Variants in SLC26A4 observed in about 807,000 individuals in gnomAD.
The protein encoded by SLC26A4 is pendrin.
A neutral mutation model predicts 90.4 loss-of-function variants in SLC26A4; 93 were observed. That is an observed-to-expected ratio of 1.03 (90% CI 0.87 to 1.22). The LOEUF is 1.22. Among genes scored for constraint, SLC26A4 ranks in the 50% most tolerant of loss-of-function variants. The pLI is 0.00. For missense variants in SLC26A4, 1,127 were observed against 946.2 expected (o/e 1.19, Z -2.51); for synonymous variants, 393 against 354.6 (o/e 1.11, Z -1.22).
chr7:107,663,770 G>C (rs925292591), intron 3 of SLC26A4, among the ~76,000 whole-genome samples: 1 of 151,844 alleles, frequency 6.6e-6, no homozygotes, highest in Non-Finnish European at 1.5e-5. Context: ...TGCAAGCTCC[G>C]TCTCCCGGGT....
chr7:107,693,179 A>G, intron 10 of SLC26A4: 2 of 412,668 alleles, frequency 4.8e-6, no homozygotes, highest in Non-Finnish European at 6.5e-6. Flanking sequence ...AGGAAAGCGA[A>G]GAGAAGGGAG....
intron 10 of SLC26A4, chr7:107,693,163 A>T (rs557823897): frequency 2.2e-5 from 6 of 276,102 alleles, no homozygotes; most frequent in Non-Finnish European, 3.3e-5. Flanking sequence ...AAGGGAAGGG[A>T]TATGAAGGAA....
At position 107,663,437 on chromosome 7, in the gene SLC26A4, T is replaced by G. The variant is rs746238617; in HGVS notation, c.304+2T>G. On this transcript the variant is annotated splice_donor_variant, in intron 3 of 20. Transcript: ENST00000644269. LOFTEE classifies it high-confidence loss of function. Reference sequence around the variant, plus strand: ...CTGGGCTAGTGGCCACGCTGCAAGGTAAGATGTTGGCAGATTGAGAGTTCT... The same window carrying G: ...CTGGGCTAGTGGCCACGCTGCAAGGGAAGATGTTGGCAGATTGAGAGTTCT... 1 of 1,613,946 alleles carries G rather than the reference T, an allele frequency of 6.2e-7. No homozygotes were observed. Among genetic ancestry groups the G allele is most frequent in the South Asian group, 1.1e-5 (1 of 91,076 alleles).
chr7:107,715,406 TCCCCTTGCTTC>T lies in SLC26A4; in HGVS notation c.2320-15_2320-5del. 1 of 1,610,792 alleles carries T rather than the reference TCCCCTTGCTTC, an allele frequency of 6.2e-7. No individual in the cohort carries two copies. The highest frequency in any genetic ancestry group is 8.5e-7 in the Non-Finnish European group (1 of 1,176,966). On this transcript the variant is annotated splice_polypyrimidine_tract_variant and splice_region_variant and intron_variant, in intron 20 of 20. Coordinates refer to ENST00000644269, the MANE Select transcript of SLC26A4 (RefSeq NM_000441.2). ...ATTCAGTTGTATCAACACTTTGTTT[TCCCCTTGCTTC>T]CACAGGCTATGCGTACACTTGCATC...
intron 6 of SLC26A4, among the ~76,000 whole-genome samples, chr7:107,677,186 A>G (rs952221939): frequency 6.6e-6 from 1 of 152,186 alleles, no homozygotes. Flanking sequence ...TCAAACAACA[A>G]TAACAGCAAC....
At chr7:107,680,170 ATCTT>A in intron 6 of SLC26A4, among the ~76,000 whole-genome samples, 1 of 118,510 alleles carries the variant, frequency 8.4e-6, no homozygotes, top group Non-Finnish European at 1.6e-5. Context: ...ATATAATCTT[ATCTT>A]ATTATATAAT....
At chr7:107,682,103 C>A (rs1346311242) in intron 6 of SLC26A4, among the ~76,000 whole-genome samples, 5 of 48,554 alleles carry the variant, frequency 1.0e-4, no homozygotes, top group Admixed American at 2.6e-4. Flanking sequence ...GGCAAGAGAG[C>A]TAAAAAAAAA....
intron 11 of SLC26A4, 43 bp downstream of exon 11, chr7:107,694,523 T>A (rs912968823): frequency 1.9e-6 from 3 of 1,551,172 alleles, no homozygotes; most frequent in East Asian, 2.2e-5. Context: ...TAATTTCCCT[T>A]CACTACTCTG....
At position 107,661,448 on chromosome 7, in the gene SLC26A4, C is replaced by A. The variant is rs1328662808; in HGVS notation, c.-3-191C>A. ...CCGAAGGTTCTCAGGTGCCCCCCTG[C>A]AGGCTGGCCGTGCGCGCCGTGGGGC... On this transcript the variant is annotated intron_variant, in intron 1 of 20. Coordinates refer to ENST00000644269, the MANE Select transcript of SLC26A4 (RefSeq NM_000441.2). This position sits in a 1 kb window ranked among gnomAD's most constrained non-coding sequence, Gnocchi z 5.1. 7.6e-6 allele frequency: 5 copies of A among 654,994 alleles called. No homozygotes were observed. The highest frequency in any genetic ancestry group is 1.3e-5 in the Non-Finnish European group (5 of 374,498). 40.6% of individuals were successfully genotyped at this position (654,994 alleles called of 1,614,324 possible).
intron 3 of SLC26A4, among the ~76,000 whole-genome samples, chr7:107,664,204 C>T (rs899288328): frequency 6.6e-5 from 10 of 151,884 alleles, no homozygotes; most frequent in Admixed American, 5.3e-4. Context: ...ATTTTATATC[C>T]ACACGTGGAT....
intron 18 of SLC26A4, among the ~76,000 whole-genome samples, chr7:107,706,228 T>G (rs1792034519): frequency 6.6e-6 from 1 of 152,216 alleles, no homozygotes; most frequent in African/African-American, 2.4e-5. Context: ...GTCTCAAACT[T>G]GGCCTGATTG....
intron 6 of SLC26A4, among the ~76,000 whole-genome samples, chr7:107,680,073 A>G (rs1791163642): frequency 7.8e-6 from 1 of 127,428 alleles, no homozygotes; most frequent in South Asian, 2.3e-4. Flanking sequence ...TTATTATATA[A>G]TATATTCTTA....
chr7:107,671,396 C>G (rs74589438), intron 3 of SLC26A4, among the ~76,000 whole-genome samples: 1,736 of 152,254 alleles, frequency 0.011, 35 homozygotes, highest in African/African-American at 0.04. Context: ...CTGGGCTCAA[C>G]TGATACTCCT....
chr7:107,660,908 GGAGGCCTC>G (rs1480701058), intron 1 of SLC26A4, 53 bp downstream of exon 1: 2 of 152,274 alleles, frequency 1.3e-5, no homozygotes, highest in Admixed American at 1.3e-4. Flanking sequence ...CCACTCCCGG[GGAGGCCTC>G]GAGGGTTGCG....
chr7:107,715,586 C>T lies in SLC26A4; in HGVS notation c.*140C>T, dbSNP rs762950222. On this transcript the variant is annotated 3_prime_UTR_variant, in exon 21 of 21. Transcript: ENST00000644269. ...GAGAAGCACTAAGACTGCTTCTAGG[C>T]TTTATTTATAAAATAAACACCTTAT... The T allele has an allele frequency of 3.4e-5, 26 of 756,124 alleles. No individual in the cohort carries two copies. The East Asian group carries it at 6.2e-4, about 18-fold the overall frequency. 46.8% of individuals were successfully genotyped at this position (756,124 alleles called of 1,614,324 possible). A position where few individuals can be genotyped will look rare whatever the true frequency, so the allele number is the denominator to read the frequency against.
chr7:107,663,501 A>G, intron 3 of SLC26A4, 66 bp downstream of exon 3: 3 of 1,573,034 alleles, frequency 1.9e-6, no homozygotes, highest in Non-Finnish European at 2.6e-6. Context: ...CCCAGCTACC[A>G]TAGGTCTGTG....
intron 3 of SLC26A4, among the ~76,000 whole-genome samples, chr7:107,663,873 C>T (rs1478130634): frequency 3.3e-5 from 5 of 152,018 alleles, no homozygotes; most frequent in African/African-American, 7.2e-5. Flanking sequence ...TTAGTAGAGA[C>T]GGGGTTTCAC....
chr7:107,680,374 T>C (rs1158129791), intron 6 of SLC26A4, among the ~76,000 whole-genome samples: 1 of 143,256 alleles, frequency 7.0e-6, no homozygotes, highest in East Asian at 2.1e-4. Flanking sequence ...TATCTTATTA[T>C]ATAATGTTAT....
chr7:107,677,338 A>G (rs926737453), intron 6 of SLC26A4, among the ~76,000 whole-genome samples: 1 of 152,208 alleles, frequency 6.6e-6, no homozygotes, highest in Non-Finnish European at 1.5e-5. Flanking sequence ...CAATTGTAAA[A>G]TGGGAGTAGT....
Sources: allele counts gnomAD v4.1 joint callset (sites outside exome capture counted in the v4.1 genomes callset), GRCh38; gene constraint gnomAD v4.1.1; non-coding constraint Gnocchi (gnomAD v3.1); transcripts MANE v1.5; gene names NCBI Gene and HGNC (gene_info 2026-07-23, HGNC 2026-07-21).